SMCHD1: variants seen among roughly 807,000 people sequenced by gnomAD.
The protein encoded by SMCHD1 is structural maintenance of chromosomes flexible hinge domain containing 1, also known as structural maintenance of chromosomes flexible hinge domain-containing protein 1.
In SMCHD1, 78 loss-of-function variants were observed where a neutral mutation model predicts 254.7. The ratio of observed to expected loss-of-function variants is 0.31; its 90% CI spans 0.26 to 0.37. The LOEUF is 0.37. SMCHD1 is among the 10% of genes least tolerant of loss of function. The pLI is 1.00. For missense variants in SMCHD1, 1,840 were observed against 2,408.1 expected (o/e 0.76, Z 4.94); for synonymous variants, 766 against 794.9 (o/e 0.96, Z 0.61).
At chr18:2,678,017 C>G (rs1281533933) in intron 5 of SMCHD1, among the ~76,000 whole-genome samples, 2 of 152,194 alleles carry the variant, frequency 1.3e-5, no homozygotes, top group Non-Finnish European at 2.9e-5. Context: ...ACGACATACT[C>G]TGTAGTATAC....
intron 25 of SMCHD1, among the ~76,000 whole-genome samples, chr18:2,738,086 A>G (rs968036609): frequency 2.6e-5 from 4 of 152,192 alleles, no homozygotes; most frequent in African/African-American, 7.2e-5. Flanking sequence ...AATTAATCAC[A>G]TGATCTGATT....
chr18:2,768,247 C>T (rs1400508580), intron 37 of SMCHD1, among the ~76,000 whole-genome samples: 1 of 151,786 alleles, frequency 6.6e-6, no homozygotes, highest in Non-Finnish European at 1.5e-5. Context: ...TATAAATAAC[C>T]TGTAAACATA....
intron 37 of SMCHD1, among the ~76,000 whole-genome samples, chr18:2,766,417 T>C (rs2075869928): frequency 6.6e-6 from 1 of 152,216 alleles, no homozygotes; most frequent in South Asian, 2.1e-4. Flanking sequence ...TCTCTTCACA[T>C]CATGCATGTA....
chr18:2,711,536 G>T (rs2074671791), intron 17 of SMCHD1, among the ~76,000 whole-genome samples: 1 of 139,114 alleles, frequency 7.2e-6, no homozygotes, highest in Admixed American at 7.5e-5. Flanking sequence ...AGGCTGGAGT[G>T]CAGTGGCGGG....
intron 3 of SMCHD1, among the ~76,000 whole-genome samples, chr18:2,671,072 G>T (rs2143828348): frequency 6.6e-6 from 1 of 151,560 alleles, no homozygotes. Flanking sequence ...AAGTAGCTGG[G>T]ATTACAGGCG....
chr18:2,694,250 T>C (rs2074242856), intron 7 of SMCHD1, among the ~76,000 whole-genome samples: 1 of 152,208 alleles, frequency 6.6e-6, no homozygotes, highest in Non-Finnish European at 1.5e-5. Context: ...AGTATTTGTC[T>C]TTACCTTTTC....
chr18:2,745,682 A>T (rs1461781722), intron 29 of SMCHD1, among the ~76,000 whole-genome samples: 1 of 152,178 alleles, frequency 6.6e-6, no homozygotes, highest in East Asian at 1.9e-4. Context: ...AGGTGGAAAA[A>T]GTCTGGACAT....
intron 26 of SMCHD1, among the ~76,000 whole-genome samples, chr18:2,738,959 G>A (rs1033330584): frequency 1.3e-5 from 2 of 152,158 alleles, no homozygotes; most frequent in African/African-American, 4.8e-5. Flanking sequence ...TTAAGTGAAT[G>A]TGTAAAAAAA....
chr18:2,770,932 G>A (rs1044447583), intron 39 of SMCHD1, among the ~76,000 whole-genome samples: 6 of 152,092 alleles, frequency 3.9e-5, no homozygotes, highest in Non-Finnish European at 7.4e-5. Flanking sequence ...TACGTTTGCT[G>A]CAATTCTTAA....
chr18:2,784,667 C>T, intron 45 of SMCHD1, 46 bp downstream of exon 45: 6 of 1,481,194 alleles, frequency 4.1e-6, no homozygotes, highest in Non-Finnish European at 5.4e-6. Flanking sequence ...TTTAATTTTA[C>T]TCTTATTTTT....
intron 34 of SMCHD1, among the ~76,000 whole-genome samples, chr18:2,759,831 A>G (rs2075755991): frequency 6.6e-6 from 1 of 151,976 alleles, no homozygotes. Context: ...CAGCCTCCCA[A>G]ATTTCTGGGA....
At chr18:2,744,110 T>C (rs1476813228) in intron 29 of SMCHD1, among the ~76,000 whole-genome samples, 182 bp downstream of exon 29, 1 of 152,228 alleles carries the variant, frequency 6.6e-6, no homozygotes, top group Non-Finnish European at 1.5e-5. Context: ...TGATTCATCA[T>C]TGTGTCCTCA....
In SMCHD1 at chr18:2,708,867, CATAT is replaced by C. The variant is rs763226355; in HGVS notation, c.2260+985_2260+988del. ...TCCCTGCTTCTATTTTCAATAACTT[CATAT>C]ATATATATATATATATATATATATA... On this transcript the variant is annotated intron_variant, in intron 17 of 47. Transcript: ENST00000320876. Among the ~76,000 whole-genome samples, 61 of 8,292 alleles carry C rather than the reference CATAT, an allele frequency of 7.4e-3. 2 individuals are homozygous for C. Among genetic ancestry groups the C allele is most frequent in the South Asian group, 0.055 (10 of 182 alleles). The allele number at this position is 8,292 out of a possible 152,430, so 5.4% of individuals were successfully genotyped here.
chr18:2,796,400 T>C lies in SMCHD1; in HGVS notation c.5879-7T>C. On this transcript the variant is annotated splice_polypyrimidine_tract_variant and splice_region_variant and intron_variant, in intron 46 of 47. Transcript: ENST00000320876. Reference sequence around the variant, plus strand: ...AATTTAACTTTCTACATTTTCCATCTTCACAGGTATGACTCCCATACGTAA... The same window carrying C: ...AATTTAACTTTCTACATTTTCCATCCTCACAGGTATGACTCCCATACGTAA... The C allele has an allele frequency of 2.0e-6, 3 of 1,521,842 alleles. No homozygotes were observed. The highest frequency in any genetic ancestry group is 2.7e-6 in the Non-Finnish European group (3 of 1,123,816). The allele number at this position is 1,521,842 out of a possible 1,614,324, so 94.3% of individuals were successfully genotyped here.
At chr18:2,739,735 GA>G (rs1038853290) in intron 27 of SMCHD1, among the ~76,000 whole-genome samples, 1 of 151,442 alleles carries the variant, frequency 6.6e-6, no homozygotes, top group Non-Finnish European at 1.5e-5. Context: ...ACATTTTGTC[GA>G]AAAAAAATCT....
intron 44 of SMCHD1, among the ~76,000 whole-genome samples, chr18:2,783,258 A>T (rs1401732135): frequency 6.6e-6 from 1 of 152,100 alleles, no homozygotes; most frequent in African/African-American, 2.4e-5. Context: ...TCCTGATTAG[A>T]TTCTTAGAAT....
At chr18:2,764,178 T>A (rs2075830648) in intron 37 of SMCHD1, 1 of 190,386 alleles carries the variant, frequency 5.3e-6, no homozygotes, top group South Asian at 9.3e-5. Context: ...TATTTGTATT[T>A]TAAAAATATA....
intron 19 of SMCHD1, 60 bp from the exon 20 acceptor site, chr18:2,722,459 C>A: frequency 7.1e-7 from 1 of 1,399,676 alleles, no homozygotes; most frequent in South Asian, 1.4e-5. Context: ...TGTTTTTGAC[C>A]CCCAATGGCT....
chr18:2,681,993 A>G (rs1219430116), intron 5 of SMCHD1, among the ~76,000 whole-genome samples: 2 of 152,204 alleles, frequency 1.3e-5, no homozygotes, highest in Non-Finnish European at 2.9e-5. Flanking sequence ...GCAAATTAAG[A>G]TGAGCTTTTG....
Sources: gnomAD v4.1 joint callset for allele counts (sites outside exome capture counted in the v4.1 genomes callset) on GRCh38, gnomAD v4.1.1 for gene constraint, MANE v1.5 for transcripts, NCBI Gene and HGNC (gene_info 2026-07-23, HGNC 2026-07-21) for gene names.